SKAP1: variants seen among roughly 807,000 people sequenced by gnomAD.
SKAP1 encodes the protein src kinase associated phosphoprotein 1, also known as src kinase-associated phosphoprotein 1.
Under a neutral mutation model 58.5 loss-of-function variants are expected in SKAP1, and 44 were observed. The ratio of observed to expected loss-of-function variants is 0.75; its 90% CI spans 0.59 to 0.97. The LOEUF is 0.97. SKAP1 is among the 50% of genes least tolerant of loss of function. The pLI is 0.00. For missense variants in SKAP1, 390 were observed against 435.2 expected (o/e 0.90, Z 0.92); for synonymous variants, 127 against 149.7 (o/e 0.85, Z 1.11).
In SKAP1 at chr17:48,207,972, G is replaced by T. The variant is rs530769090; in HGVS notation, c.281-18472C>A. On this transcript the variant is annotated intron_variant, in intron 4 of 12. Transcript: ENST00000336915. ...GCAAAGACAGAGACAGCACAGACAT[G>T]ATTTTAATTTATAGGGTTGGAAAAG... is the stretch of plus-strand genomic sequence containing the variant. Among the ~76,000 whole-genome samples the T allele has an allele frequency of 8.7e-4, 133 of 152,272 alleles. 2 individuals are homozygous for T. Among genetic ancestry groups the T allele is most frequent in the Admixed American group, 3.5e-3 (53 of 15,284 alleles).
chr17:48,415,499 T>C (rs899153855), intron 1 of SKAP1, among the ~76,000 whole-genome samples: 5 of 152,144 alleles, frequency 3.3e-5, no homozygotes, highest in African/African-American at 1.2e-4. Flanking sequence ...ACTTCTGCCA[T>C]CATCCCTCGT....
At chr17:48,269,768 T>C (rs2065603033) in intron 4 of SKAP1, among the ~76,000 whole-genome samples, 1 of 152,128 alleles carries the variant, frequency 6.6e-6, no homozygotes, top group African/African-American at 2.4e-5. Flanking sequence ...AGTAAGTGAT[T>C]TGTGAGTTTA....
Position 48,401,238 on chromosome 17 carries a change from C to T in SKAP1, c.47-4453G>A, listed in dbSNP as rs544003023. Reference sequence around the variant, plus strand: ...GAATAATTGTTTGAACCTGGGAGGCCGAGGTTGCAGTGAGCCGAGATCATG... The same window carrying T: ...GAATAATTGTTTGAACCTGGGAGGCTGAGGTTGCAGTGAGCCGAGATCATG... On this transcript the variant is annotated intron_variant, in intron 1 of 12. Transcript: ENST00000336915. Among the ~76,000 whole-genome samples, 18 of 151,230 alleles carry T rather than the reference C, an allele frequency of 1.2e-4. No individual in the cohort carries two copies. The East Asian group carries it at 2.3e-3, about 20-fold the overall frequency.
chr17:48,395,166 GTGTA>G (rs771046324), intron 2 of SKAP1, among the ~76,000 whole-genome samples: 6 of 152,186 alleles, frequency 3.9e-5, no homozygotes, highest in Non-Finnish European at 8.8e-5. Flanking sequence ...GTGTGCATGT[GTGTA>G]TGTATTTTAA....
intron 4 of SKAP1, among the ~76,000 whole-genome samples, chr17:48,291,338 T>C (rs1197741189): frequency 1.3e-5 from 2 of 152,202 alleles, no homozygotes; most frequent in Admixed American, 1.3e-4. Flanking sequence ...ACTCTCTCTG[T>C]TCTCTTTCTT....
intron 4 of SKAP1, among the ~76,000 whole-genome samples, chr17:48,331,523 T>C (rs1430365964): frequency 6.6e-6 from 1 of 151,678 alleles, no homozygotes. Context: ...AACATGGAGA[T>C]ATCCCGTCTC....
intron 4 of SKAP1, among the ~76,000 whole-genome samples, chr17:48,325,936 A>G (rs949343328): frequency 6.6e-6 from 1 of 152,234 alleles, no homozygotes; most frequent in Non-Finnish European, 1.5e-5. Context: ...TCTTCATACT[A>G]TAAGTAGCTT....
At chr17:48,135,919 G>A (rs368407209) in intron 12 of SKAP1, among the ~76,000 whole-genome samples, 9 of 152,196 alleles carry the variant, frequency 5.9e-5, no homozygotes, top group African/African-American at 2.2e-4. Context: ...TGGGGAAATG[G>A]TGCCCTGGGT....
At chr17:48,363,733 A>G in intron 3 of SKAP1, 56 bp downstream of exon 3, 2 of 1,464,088 alleles carry the variant, frequency 1.4e-6, no homozygotes, top group Non-Finnish European at 1.9e-6. Context: ...ACAGGAATAA[A>G]CAATCCCATT....
At chr17:48,352,828 C>T (rs535788719) in intron 3 of SKAP1, among the ~76,000 whole-genome samples, 1 of 152,114 alleles carries the variant, frequency 6.6e-6, no homozygotes, top group Admixed American at 6.6e-5. Flanking sequence ...GGCTTTCACC[C>T]CAACTTGTCT....
At chr17:48,286,913 T>G (rs1178768184) in intron 4 of SKAP1, among the ~76,000 whole-genome samples, 1 of 152,032 alleles carries the variant, frequency 6.6e-6, no homozygotes, top group African/African-American at 2.4e-5. Flanking sequence ...CTGGCCAACA[T>G]AGTGAAACCC....
intron 3 of SKAP1, among the ~76,000 whole-genome samples, chr17:48,363,019 A>G (rs2066955112): frequency 6.6e-6 from 1 of 152,240 alleles, no homozygotes. Flanking sequence ...GATGTTTCTG[A>G]CATTCTCAAC....
intron 2 of SKAP1, among the ~76,000 whole-genome samples, chr17:48,391,072 A>C (rs1316857867): frequency 6.6e-6 from 1 of 152,170 alleles, no homozygotes; most frequent in African/African-American, 2.4e-5. Context: ...TCTGTCTCAA[A>C]AAAACAAAAA....
At chr17:48,297,938 G>A (rs2066002002) in intron 4 of SKAP1, among the ~76,000 whole-genome samples, 1 of 152,084 alleles carries the variant, frequency 6.6e-6, no homozygotes, top group Non-Finnish European at 1.5e-5. Context: ...GTCCAAGAAG[G>A]GAGATTTCTT....
chr17:48,394,578 C>T (rs901199910), intron 2 of SKAP1, among the ~76,000 whole-genome samples: 13 of 151,996 alleles, frequency 8.6e-5, no homozygotes, highest in African/African-American at 2.2e-4. Flanking sequence ...TGGCCTCAAG[C>T]GATCTTCTGG....
At chr17:48,170,700 C>T in intron 9 of SKAP1, 41 bp from the exon 10 acceptor site, 1 of 1,442,556 alleles carries the variant, frequency 6.9e-7, no homozygotes, top group Non-Finnish European at 9.6e-7. Context: ...TAGTGGTTCA[C>T]AGTCTCATGT....
intron 1 of SKAP1, among the ~76,000 whole-genome samples, chr17:48,413,523 A>AAAAAAAAAAAATATATAT: frequency 5.7e-5 from 6 of 105,508 alleles, no homozygotes; most frequent in African/African-American, 2.6e-4. Flanking sequence ...TCAAAAAAAA[A>AAAAAAAAAAAATATATAT]ATATATATAT....
intron 11 of SKAP1, among the ~76,000 whole-genome samples, chr17:48,145,419 G>GAAAA (rs5820687): frequency 6.8e-6 from 1 of 146,916 alleles, no homozygotes; most frequent in African/African-American, 2.5e-5. Flanking sequence ...CATCAACAAG[G>GAAAA]AAAAAAAAAA....
At chr17:48,213,068 T>TAC (rs2064893496) in intron 4 of SKAP1, among the ~76,000 whole-genome samples, 1 of 151,996 alleles carries the variant, frequency 6.6e-6, no homozygotes, top group South Asian at 2.1e-4. Context: ...TTGGCCGGGC[T>TAC]CAGTGGCTCA....
Sources: gnomAD v4.1 joint callset for allele counts (sites outside exome capture counted in the v4.1 genomes callset) on GRCh38, gnomAD v4.1.1 for gene constraint, MANE v1.5 for transcripts, NCBI Gene and HGNC (gene_info 2026-07-23, HGNC 2026-07-21) for gene names.